The following CYB5RL variants were observed in gnomAD, a reference collection of about 807,000 sequenced individuals.
The protein encoded by CYB5RL is NADH-cytochrome b5 reductase-like.
Under a neutral mutation model 37.5 loss-of-function variants are expected in CYB5RL, and 38 were observed. The observed-to-expected ratio is 1.01, with a 90% confidence interval of 0.78 to 1.33. The LOEUF (loss-of-function observed/expected upper bound fraction) is 1.33. Among genes scored for constraint, CYB5RL ranks in the 40% most tolerant of loss-of-function variants. The pLI is 0.00. For synonymous variants in CYB5RL, 141 were observed against 151.9 expected (o/e 0.93, Z 0.53); for missense variants, 388 against 394.4 (o/e 0.98, Z 0.14).
intron 1 of CYB5RL, among the ~76,000 whole-genome samples, chr1:54,197,614 C>G (rs114400424): frequency 2.0e-5 from 3 of 152,136 alleles, no homozygotes; most frequent in Admixed American, 1.3e-4. Flanking sequence ...TTGCTACCTA[C>G]GTCTACATGT....
intron 5 of CYB5RL, among the ~76,000 whole-genome samples, chr1:54,187,413 G>C (rs986298894): frequency 6.6e-6 from 1 of 152,260 alleles, no homozygotes; most frequent in East Asian, 1.9e-4. Context: ...GGTGATGTTA[G>C]GTTAGTCCTG....
intron 6 of CYB5RL, chr1:54,180,286 T>C: frequency 2.6e-6 from 1 of 382,476 alleles, no homozygotes; most frequent in South Asian, 2.0e-5. Flanking sequence ...CCCAGTTCCA[T>C]CAACTCCTCC....
chr1:54,191,930 A>G (rs1476277927), intron 3 of CYB5RL, among the ~76,000 whole-genome samples: 2 of 152,198 alleles, frequency 1.3e-5, no homozygotes, highest in African/African-American at 4.8e-5. Context: ...TGGGGCCTTC[A>G]GCATATCAAT....
intron 7 of CYB5RL, among the ~76,000 whole-genome samples, chr1:54,175,133 G>A (rs907660161): frequency 6.6e-6 from 1 of 152,212 alleles, no homozygotes; most frequent in Admixed American, 6.5e-5. Context: ...AGCCACACCT[G>A]TCACTGTGGG....
chr1:54,177,902 G>C (rs961100869), intron 7 of CYB5RL, among the ~76,000 whole-genome samples: 9 of 152,202 alleles, frequency 5.9e-5, no homozygotes, highest in Non-Finnish European at 1.3e-4. Flanking sequence ...GGGAAAGCAA[G>C]GCTGGCCAGC....
chr1:54,196,810 C>G (rs561957757), intron 1 of CYB5RL, among the ~76,000 whole-genome samples: 1 of 152,166 alleles, frequency 6.6e-6, no homozygotes, highest in South Asian at 2.1e-4. Flanking sequence ...CAAAACATAT[C>G]GTTCTTCAAT....
chr1:54,187,036 C>A (rs1643907763), intron 5 of CYB5RL, among the ~76,000 whole-genome samples: 1 of 151,996 alleles, frequency 6.6e-6, no homozygotes, highest in Non-Finnish European at 1.5e-5. Flanking sequence ...TTCTTTAAGT[C>A]AAAAAAGTTA....
chr1:54,192,936 G>C (rs1165864992), intron 3 of CYB5RL, among the ~76,000 whole-genome samples: 1 of 152,072 alleles, frequency 6.6e-6, no homozygotes, highest in African/African-American at 2.4e-5. Flanking sequence ...TATATTTGTA[G>C]TAGAGACAGG....
At chr1:54,176,256 G>A (rs1056529348) in intron 7 of CYB5RL, among the ~76,000 whole-genome samples, 2 of 152,234 alleles carry the variant, frequency 1.3e-5, no homozygotes, top group African/African-American at 4.8e-5. Context: ...CCTGGAGGCA[G>A]GTGCAGTGGC....
intron 4 of CYB5RL, chr1:54,190,495 G>T: frequency 1.7e-6 from 1 of 602,814 alleles, no homozygotes; most frequent in Non-Finnish European, 2.9e-6. Flanking sequence ...AGGGTTAAAT[G>T]ATTTCATGCC....
Position 54,195,560 on chromosome 1 carries a change from C to T in CYB5RL, c.57G>A (p.Arg19=). 6.2e-7 allele frequency: 1 copy of T among 1,613,668 alleles called. No individual in the cohort carries two copies. Among genetic ancestry groups the T allele is most frequent in the Non-Finnish European group, 8.5e-7 (1 of 1,179,682 alleles). Residue 19 remains arginine, a synonymous_variant, in exon 3 of 8, where the codon CGG becomes CGA. Coordinates refer to ENST00000534324, the MANE Select transcript of CYB5RL (RefSeq NM_001031672.4). ...DDTEEAWMQL[R]PTEPLPSQCC... is the part of the protein sequence containing the mutation. ...ACTGGGAAGGCAAGGGTTCTGTGGG[C>T]CGTAGCTGCATCCAGGCTTCCTCAG... is the stretch of plus-strand genomic sequence containing the variant.
In CYB5RL at chr1:54,174,738, C is replaced by A; in HGVS notation, c.829G>T (p.Val277Phe). 1.2e-6 allele frequency: 2 copies of A among 1,614,030 alleles called. No homozygotes were observed. Among genetic ancestry groups the A allele is most frequent in the Non-Finnish European group, 1.7e-6 (2 of 1,179,892 alleles). Residue 277 changes from valine to phenylalanine, a missense_variant, in exon 8 of 8, where the codon GTC (valine) becomes TTC (phenylalanine). Coordinates refer to ENST00000534324, the MANE Select transcript of CYB5RL (RefSeq NM_001031672.4). ...AATGGCTTTCTCCGACAGCAGCTGA[C>A]CAGCTCTTTAATTAGGTCCTGGCCC... ...HLGQDLIKEL[V>F]SCCRRKPFAL...
intron 4 of CYB5RL, among the ~76,000 whole-genome samples, chr1:54,188,868 A>G (rs2100474565): frequency 6.6e-6 from 1 of 152,348 alleles, no homozygotes; most frequent in South Asian, 2.1e-4. Context: ...AAAGCATGAG[A>G]GGGCTGGACA....
chr1:54,174,451 G>T lies in CYB5RL; in HGVS notation c.*168C>A. The T allele has an allele frequency of 1.4e-6, 1 of 726,372 alleles. No individual in the cohort carries two copies. Among genetic ancestry groups the T allele is most frequent in the Non-Finnish European group, 2.3e-6 (1 of 436,124 alleles). The allele number at this position is 726,372 out of a possible 1,614,324, so 45.0% of individuals were successfully genotyped here. ...CCAGGAGGAGTGATTAACCTCATGG[G>T]GCAGATGAGAAGTAGAGGTTCTGAG... On this transcript the variant is annotated 3_prime_UTR_variant, in exon 8 of 8. Coordinates refer to ENST00000534324, the MANE Select transcript of CYB5RL (RefSeq NM_001031672.4).
At chr1:54,188,456 GA>G (rs2100473978) in intron 4 of CYB5RL, among the ~76,000 whole-genome samples, 1 of 152,104 alleles carries the variant, frequency 6.6e-6, no homozygotes, top group Non-Finnish European at 1.5e-5. Context: ...GCACCTGACA[GA>G]AGCATTAGGA....
At position 54,172,894 on chromosome 1, in the gene CYB5RL, T is replaced by G. The variant is rs1263074829; in HGVS notation, c.*1725A>C. The G allele has an allele frequency of 6.6e-6, 1 of 152,258 alleles. No homozygotes were observed. The highest frequency in any genetic ancestry group is 1.5e-5 in the Non-Finnish European group (1 of 68,058). 9.4% of individuals were successfully genotyped at this position (152,258 alleles called of 1,614,324 possible). A position where few individuals can be genotyped will look rare whatever the true frequency, so the allele number is the denominator to read the frequency against. ...CTAGGCAGGAAGAGATCATGGTTCCTGCTCAGAATCTTTGACTCTCAGTCA... is the reference window on the plus strand; with the variant it reads ...CTAGGCAGGAAGAGATCATGGTTCCGGCTCAGAATCTTTGACTCTCAGTCA... On this transcript the variant is annotated 3_prime_UTR_variant, in exon 8 of 8. Coordinates refer to ENST00000534324, the MANE Select transcript of CYB5RL (RefSeq NM_001031672.4).
intron 5 of CYB5RL, chr1:54,185,128 C>T (rs564208701): frequency 6.6e-6 from 1 of 152,368 alleles, no homozygotes; most frequent in Non-Finnish European, 1.5e-5. Context: ...TTCAGGCTCT[C>T]CCCTTAAGGA....
intron 2 of CYB5RL, among the ~76,000 whole-genome samples, chr1:54,196,093 C>G (rs982770777): frequency 2.0e-5 from 3 of 152,248 alleles, no homozygotes; most frequent in African/African-American, 7.2e-5. Context: ...ACAATCAGAG[C>G]TGGTAACCAA....
chr1:54,179,152 G>A lies in CYB5RL; in HGVS notation c.741C>T (p.Ser247=). The change falls in exon 7 of 8, where the codon AGC becomes AGT. Residue 247 remains serine (S), a synonymous_variant. Coordinates refer to ENST00000534324, the MANE Select transcript of CYB5RL (RefSeq NM_001031672.4). ...FWNVRTFFVL[S]QESSSEQLPW... ...AAAGTCACCACCCTGGGCTCACCTG[G>A]CTGAGTACAAAGAAGGTACGGACAT... 1 of 1,612,048 alleles carries A rather than the reference G, an allele frequency of 6.2e-7. No homozygotes were observed. Among genetic ancestry groups the A allele is most frequent in the African/African-American group, 1.3e-5 (1 of 75,044 alleles).
Sources: gnomAD v4.1 joint callset for allele counts (sites outside exome capture counted in the v4.1 genomes callset) on GRCh38, gnomAD v4.1.1 for gene constraint, MANE v1.5 for transcripts, NCBI Gene and HGNC (gene_info 2026-07-23, HGNC 2026-07-21) for gene names.